Variants in IDUA observed in about 807,000 individuals in gnomAD.
The protein encoded by IDUA is iduronidase alpha-L-.
Under a neutral mutation model 68.9 loss-of-function variants are expected in IDUA, and 65 were observed. The ratio of observed to expected loss-of-function variants is 0.94; its 90% CI spans 0.77 to 1.16. IDUA has a LOEUF of 1.16. IDUA is among the 50% of genes most tolerant of loss of function. IDUA has a pLI of 0.00. For missense variants in IDUA, 1,046 were observed against 938.0 expected (o/e 1.12, Z -1.50); for synonymous variants, 529 against 433.6 (o/e 1.22, Z -2.73).
intron 2 of IDUA, among the ~76,000 whole-genome samples, chr4:994,180 C>T (rs1714585365): frequency 6.6e-6 from 1 of 152,204 alleles, no homozygotes; most frequent in Non-Finnish European, 1.5e-5. Context: ...TGGTTCACTC[C>T]TGTAATTCCA....
intron 2 of IDUA, among the ~76,000 whole-genome samples, chr4:996,318 G>A (rs1208171193): frequency 1.3e-5 from 2 of 152,326 alleles, no homozygotes; most frequent in African/African-American, 4.8e-5. Flanking sequence ...TGGAGAACTG[G>A]GGAGACCCAG....
At chr4:1,002,199 C>T (rs771890512) in intron 7 of IDUA, 38 bp downstream of exon 7, 1 of 1,567,460 alleles carries the variant, frequency 6.4e-7, no homozygotes, top group South Asian at 1.2e-5. Context: ...CCCCGGCCAC[C>T]TTCCTCCCGA....
chr4:1,000,336 C>G (rs62294522), intron 2 of IDUA, among the ~76,000 whole-genome samples: 1 of 152,366 alleles, frequency 6.6e-6, no homozygotes, highest in African/African-American at 2.4e-5. Flanking sequence ...TGGCCTGCCT[C>G]GTGCCACTGA....
At chr4:988,453 G>C in intron 2 of IDUA, 3 of 1,100,506 alleles carry the variant, frequency 2.7e-6, no homozygotes, top group Non-Finnish European at 3.3e-6. Context: ...GCACCGGGCA[G>C]GCCTGGGCAT....
rs776598804 is a variant in IDUA, at chr4:1,002,721, C to CT, written c.1190-11_1190-10insT. ...GACCCCACGCGGCGACGGCCCCCCC[C>CT]CGCCCCGCAGATGAGGAGCAGCTCT... On this transcript the variant is annotated splice_polypyrimidine_tract_variant and intron_variant, in intron 8 of 13. Coordinates refer to ENST00000514224, the MANE Select transcript of IDUA (RefSeq NM_000203.5). The CT allele has an allele frequency of 1.4e-5, 21 of 1,465,124 alleles. No homozygotes were observed. In the South Asian group the frequency reaches 2.4e-4, roughly 17 times the overall value. 90.8% of individuals were successfully genotyped at this position (1,465,124 alleles called of 1,614,324 possible).
chr4:1,002,202 C>A, intron 7 of IDUA, 41 bp downstream of exon 7: 1 of 1,568,258 alleles, frequency 6.4e-7, no homozygotes, highest in South Asian at 1.2e-5. Flanking sequence ...CGGCCACCTT[C>A]CTCCCGAGAC....
chr4:998,772 A>G (rs749251158), intron 2 of IDUA, among the ~76,000 whole-genome samples: 1 of 142,476 alleles, frequency 7.0e-6, no homozygotes, highest in Non-Finnish European at 1.6e-5. Flanking sequence ...GTTGCCCTGT[A>G]CGACCCCCCG....
At chr4:988,821 G>C in intron 2 of IDUA, 1 of 1,568,118 alleles carries the variant, frequency 6.4e-7, no homozygotes, top group Non-Finnish European at 8.6e-7. Context: ...CTGCTGGGCA[G>C]GCCTGGCCCT....
chr4:991,841 C>T lies in IDUA; in HGVS notation c.299+3892C>T, dbSNP rs777555267. 8.0e-5 allele frequency: 123 copies of T among 1,529,154 alleles called. No homozygotes were observed. In the East Asian group the frequency reaches 1.4e-3, roughly 17 times the overall value. 94.7% of individuals were successfully genotyped at this position (1,529,154 alleles called of 1,614,324 possible). On this transcript the variant is annotated intron_variant, in intron 2 of 13. Coordinates refer to ENST00000514224, the MANE Select transcript of IDUA (RefSeq NM_000203.5). The stretch of plus-strand genomic sequence containing the variant: ...GGCGGACCCCTCGCCCACCCAGGGC[C>T]GGGGATTGGTGCTGGGCCTTCTCCT...
intron 10 of IDUA, 23 bp from the exon 11 acceptor site, chr4:1,003,320 CCT>C: frequency 6.2e-6 from 9 of 1,440,704 alleles, no homozygotes; most frequent in Non-Finnish European, 8.1e-6. Context: ...CCTGGAGAAC[CCT>C]GAGGACCGGC....
In IDUA at chr4:994,127, A is replaced by T. The variant is rs115388129; in HGVS notation, c.299+6178A>T. Among the ~76,000 whole-genome samples, 1,251 of 152,346 alleles carry T rather than the reference A, an allele frequency of 8.2e-3. 19 individuals carry two copies. Among genetic ancestry groups the T allele is most frequent in the African/African-American group, 0.028 (1,164 of 41,578 alleles). On this transcript the variant is annotated intron_variant, in intron 2 of 13. Transcript: ENST00000514224. ...CTAAATTAGGCCCACACGTGAAAAT[A>T]AGGGTAAGCTGCTTTTTAAAAGGAA... is the stretch of plus-strand genomic sequence containing the variant.
intron 2 of IDUA, among the ~76,000 whole-genome samples, chr4:995,550 G>A (rs1714695952): frequency 2.0e-5 from 3 of 152,188 alleles, no homozygotes; most frequent in African/African-American, 7.2e-5. Flanking sequence ...GGCCAACCCG[G>A]CCCTGGCACC....
intron 2 of IDUA, among the ~76,000 whole-genome samples, chr4:996,821 C>T (rs1714766665): frequency 6.6e-6 from 1 of 152,126 alleles, no homozygotes; most frequent in Non-Finnish European, 1.5e-5. Context: ...AGGGGCCTTG[C>T]TGGCCAGAGA....
At position 987,206 on chromosome 4, in the gene IDUA, G is replaced by A; in HGVS notation, c.122G>A (p.Trp41Ter). Residue 41 changes from tryptophan to a stop codon, truncating the protein, a stop_gained, in exon 1 of 14, where the codon TGG becomes TAG. Coordinates refer to ENST00000514224, the MANE Select transcript of IDUA (RefSeq NM_000203.5). LOFTEE classifies it high-confidence loss of function. The stretch of plus-strand genomic sequence containing the variant: ...CATGTGGACGCGGCCCGCGCGCTGT[G>A]GCCCCTGCGGCGCTTCTGGAGGAGC... ...LVHVDAARALWPLRRFWRSTG... is the reference protein window; with the variant it reads ...LVHVDAARAL 6.7e-7 allele frequency: 1 copy of A among 1,485,862 alleles called. No homozygotes were observed. The highest frequency in any genetic ancestry group is 8.9e-7 in the Non-Finnish European group (1 of 1,124,936). The allele number at this position is 1,485,862 out of a possible 1,614,324, so 92.0% of individuals were successfully genotyped here. A position where few individuals can be genotyped will look rare whatever the true frequency, so the allele number is the denominator to read the frequency against.
chr4:1,003,068 G>A lies in IDUA; in HGVS notation c.1435G>A (p.Gly479Arg). 5 of 1,520,956 alleles carry A rather than the reference G, an allele frequency of 3.3e-6. No homozygotes were observed. The highest frequency in any genetic ancestry group is 4.4e-6 in the Non-Finnish European group (5 of 1,143,232). 94.2% of individuals were successfully genotyped at this position (1,520,956 alleles called of 1,614,324 possible). A position where few individuals can be genotyped will look rare whatever the true frequency, so the allele number is the denominator to read the frequency against. Residue 479 changes from glycine (G) to arginine (R), a missense_variant, in exon 10 of 14, where the codon GGG becomes AGG. Transcript: ENST00000514224. ...LVYVTRYLDN[G>R]LCSPDGEWRR... ...CTACGTCACGCGCTACCTGGACAAC[G>A]GGCTCTGCAGCCCCGACGGCGAGTG...
At position 1,003,438 on chromosome 4, in the gene IDUA, G is replaced by C. The variant is rs1577543889; in HGVS notation, c.1618G>C (p.Val540Leu). The stretch of plus-strand genomic sequence containing the variant: ...GCTGCCGTCGCTTTTGCTGGTGCAC[G>C]TGTGTGCGCGCCCCGAGAAGCCGCC... Reference protein sequence around the residue: ...LRLPSLLLVHVCARPEKPPGQ... With the variant: ...LRLPSLLLVHLCARPEKPPGQ... The change falls in exon 11 of 14, where the codon GTG becomes CTG. Residue 540 changes from valine to leucine, a missense_variant. Physicochemically the swap from Val to Leu is conservative, Grantham distance 32. Coordinates refer to ENST00000514224, the MANE Select transcript of IDUA (RefSeq NM_000203.5). 1.3e-6 allele frequency: 2 copies of C among 1,541,200 alleles called. No homozygotes were observed. The highest frequency in any genetic ancestry group is 1.7e-6 in the Non-Finnish European group (2 of 1,149,934).
In IDUA at chr4:1,004,492, T is replaced by C. The variant is rs932441973; in HGVS notation, c.*99T>C. On this transcript the variant is annotated 3_prime_UTR_variant, in exon 14 of 14. Transcript: ENST00000514224. The surrounding 1 kb of genome is among the most constrained non-coding windows in gnomAD (Gnocchi z 5.0). ...CCCTCCCATCACCCCCTTTGCAATA[T>C]ATTTTTATATTTTATTATTTTCTTT... is the stretch of plus-strand genomic sequence containing the variant. 19 of 1,155,882 alleles carry C rather than the reference T, an allele frequency of 1.6e-5. No individual in the cohort carries two copies. The Admixed American group carries it at 4.6e-4, about 28-fold the overall frequency. The allele number at this position is 1,155,882 out of a possible 1,614,324, so 71.6% of individuals were successfully genotyped here. A position where few individuals can be genotyped will look rare whatever the true frequency, so the allele number is the denominator to read the frequency against.
At chr4:1,001,447 G>A (rs776310076) in intron 4 of IDUA, 21 bp from the exon 5 acceptor site, 5 of 1,604,910 alleles carry the variant, frequency 3.1e-6, no homozygotes, top group Non-Finnish European at 4.3e-6. Flanking sequence ...GTGCTGGGGG[G>A]ACAGCAAGGC....
At position 1,003,011 on chromosome 4, in the gene IDUA, G is replaced by A. The variant is rs760698377; in HGVS notation, c.1403-25G>A. 13 of 1,453,122 alleles carry A rather than the reference G, an allele frequency of 8.9e-6. No homozygotes were observed. In the East Asian group the frequency reaches 3.2e-4, roughly 36 times the overall value. The allele number at this position is 1,453,122 out of a possible 1,614,324, so 90.0% of individuals were successfully genotyped here. On this transcript the variant is annotated intron_variant, in intron 9 of 13. Transcript: ENST00000514224. ...TCTGGAGGGGGCGGCCCGGGGAGCC[G>A]AGGCCTGAGTGTCAGGCCCCGCAGG...
Sources: gnomAD v4.1 joint callset for allele counts (sites outside exome capture counted in the v4.1 genomes callset) on GRCh38, gnomAD v4.1.1 for gene constraint, Gnocchi (gnomAD v3.1) non-coding constraint, MANE v1.5 for transcripts, NCBI Gene and HGNC (gene_info 2026-07-23, HGNC 2026-07-21) for gene names.